CSMD1: variants seen among roughly 807,000 people sequenced by gnomAD.
CSMD1 encodes the protein CUB and Sushi multiple domains 1, also known as CUB and sushi domain-containing protein 1.
A neutral mutation model predicts 417.5 loss-of-function variants in CSMD1; 213 were observed. The observed-to-expected ratio is 0.51, with a 90% CI of 0.46 to 0.57. CSMD1 has a LOEUF of 0.57. Ranked by LOEUF, CSMD1 falls within the 20% of genes least tolerant of loss-of-function variation. The pLI is 0.00. For missense variants in CSMD1, 6,923 were observed against 4,529.7 expected, an observed-to-expected ratio of 1.53 and a Z score of -15.17; for synonymous variants, 2,862 against 1,736.8, an observed-to-expected ratio of 1.65 and a Z score of -16.11.
intron 5 of CSMD1, among the ~76,000 whole-genome samples, chr8:3,981,189 C>T (rs1419065039): frequency 6.6e-6 from 1 of 152,156 alleles, no homozygotes; most frequent in African/African-American, 2.4e-5. Context: ...TGGGTATCTC[C>T]ATAGTTTTCT....
At chr8:4,409,469 T>C (rs1796524837) in intron 3 of CSMD1, among the ~76,000 whole-genome samples, 2 of 152,166 alleles carry the variant, frequency 1.3e-5, no homozygotes, top group South Asian at 4.1e-4. Flanking sequence ...CAAGAATGCC[T>C]ATCTACCTAA....
chr8:3,410,372 G>A (rs1812609017), intron 12 of CSMD1, among the ~76,000 whole-genome samples: 1 of 152,130 alleles, frequency 6.6e-6, no homozygotes, highest in Non-Finnish European at 1.5e-5. Context: ...ATATGATTTG[G>A]CTGTGTCCCC....
At chr8:4,353,632 A>G (rs2128902793) in intron 3 of CSMD1, among the ~76,000 whole-genome samples, 1 of 152,208 alleles carries the variant, frequency 6.6e-6, no homozygotes, top group South Asian at 2.1e-4. Flanking sequence ...GTCACGCCCA[A>G]CGGGACAGGC....
intron 3 of CSMD1, among the ~76,000 whole-genome samples, chr8:4,358,778 G>C (rs777726969): frequency 3.3e-5 from 5 of 152,076 alleles, no homozygotes; most frequent in South Asian, 2.1e-4. Context: ...TTGCAATAAA[G>C]CTTTGTCAGC....
In CSMD1 at chr8:4,261,970, G is replaced by A. The variant is rs141025766; in HGVS notation, c.415+157983C>T. On this transcript the variant is annotated intron_variant, in intron 3 of 69. Coordinates refer to ENST00000635120, the MANE Select transcript of CSMD1 (RefSeq NM_033225.6). ...CAAAACAGAAAAAAAATTAAAACCT[G>A]AAGTCTGTCATTTCCTGGGAATGAG... Among the ~76,000 whole-genome samples, 872 of 152,204 alleles carry A rather than the reference G, an allele frequency of 5.7e-3. 8 individuals are homozygous for A. Among genetic ancestry groups the A allele is most frequent in the African/African-American group, 0.02 (836 of 41,548 alleles).
At chr8:4,050,689 C>T (rs1798379903) in intron 3 of CSMD1, among the ~76,000 whole-genome samples, 1 of 152,176 alleles carries the variant, frequency 6.6e-6, no homozygotes, top group South Asian at 2.1e-4. Context: ...ATCCCCACTT[C>T]CATCCAAGCC....
At chr8:3,459,872 T>C (rs1554429104) in intron 12 of CSMD1, among the ~76,000 whole-genome samples, 1 of 151,104 alleles carries the variant, frequency 6.6e-6, no homozygotes. Flanking sequence ...AACTAAGACT[T>C]AAAAAAAAAC....
chr8:3,042,883 T>A (rs1348385593), intron 50 of CSMD1, among the ~76,000 whole-genome samples: 2 of 152,046 alleles, frequency 1.3e-5, no homozygotes, highest in African/African-American at 4.8e-5. Context: ...CTATAGTGAA[T>A]ATAGTATATG....
At chr8:4,113,953 T>G (rs544740186) in intron 3 of CSMD1, among the ~76,000 whole-genome samples, 1 of 152,186 alleles carries the variant, frequency 6.6e-6, no homozygotes, top group African/African-American at 2.4e-5. Context: ...AGAAGCCATC[T>G]CCATAATATA....
intron 7 of CSMD1, among the ~76,000 whole-genome samples, chr8:3,701,537 T>A (rs1482197): frequency 0.92 from 139,851 of 151,852 alleles, 64,469 homozygotes; most frequent in East Asian, 0.99. Context: ...ATATTGGAAT[T>A]TAACGATTAA....
chr8:3,298,685 C>T (rs956712644), intron 25 of CSMD1, among the ~76,000 whole-genome samples: 1 of 152,214 alleles, frequency 6.6e-6, no homozygotes, highest in African/African-American at 2.4e-5. Context: ...AACTCCTGAT[C>T]TCAGGTAATC....
intron 3 of CSMD1, among the ~76,000 whole-genome samples, chr8:4,097,506 G>A (rs534532843): frequency 1.3e-4 from 20 of 152,268 alleles, no homozygotes; most frequent in Non-Finnish European, 2.5e-4. Context: ...CCCTTTGAAT[G>A]TCTTGTTGCC....
intron 14 of CSMD1, among the ~76,000 whole-genome samples, chr8:3,407,487 G>A (rs769330407): frequency 2.0e-5 from 3 of 151,936 alleles, no homozygotes; most frequent in African/African-American, 7.3e-5. Flanking sequence ...ATGCATGGAT[G>A]GATGAAATGA....
At chr8:3,736,961 T>G (rs959488239) in intron 6 of CSMD1, among the ~76,000 whole-genome samples, 3 of 152,222 alleles carry the variant, frequency 2.0e-5, no homozygotes, top group Admixed American at 2.0e-4. Flanking sequence ...CCCTCTCCCC[T>G]ACCTCCTGTC....
At chr8:4,738,421 C>T (rs975400586) in intron 1 of CSMD1, among the ~76,000 whole-genome samples, 4 of 151,986 alleles carry the variant, frequency 2.6e-5, no homozygotes, top group African/African-American at 9.7e-5. Context: ...AAGGGCTGAG[C>T]GAAGGGGGAA....
At chr8:3,551,501 A>T (rs1261921430) in intron 10 of CSMD1, among the ~76,000 whole-genome samples, 1 of 151,566 alleles carries the variant, frequency 6.6e-6, no homozygotes, top group African/African-American at 2.4e-5. Context: ...TGACTGTTTG[A>T]TAAGACCCTT....
intron 3 of CSMD1, among the ~76,000 whole-genome samples, chr8:4,205,660 G>A (rs574621584): frequency 1.3e-5 from 2 of 152,010 alleles, no homozygotes; most frequent in African/African-American, 4.8e-5. Context: ...TGTAACGGCT[G>A]TTGTGGCTCA....
intron 26 of CSMD1, among the ~76,000 whole-genome samples, chr8:3,262,993 GTTA>G (rs1413495804): frequency 1.3e-5 from 2 of 152,192 alleles, no homozygotes; most frequent in Non-Finnish European, 2.9e-5. Flanking sequence ...GGACATTACA[GTTA>G]TTAAGCTAGG....
Position 3,587,246 on chromosome 8 carries a change from A to T in CSMD1, c.1098-986T>A, listed in dbSNP as rs562755647. Among the ~76,000 whole-genome samples the T allele has an allele frequency of 1.1e-4, 17 of 152,334 alleles. No homozygotes were observed. The East Asian group carries it at 2.9e-3, about 26-fold the overall frequency. On this transcript the variant is annotated intron_variant, in intron 8 of 69. Coordinates refer to ENST00000635120, the MANE Select transcript of CSMD1 (RefSeq NM_033225.6). ...AACACAAACTGGACAGCTGCATTCA[A>T]AAGTGTGAGAGGCAGAGATCAGGTT...
Sources: gnomAD v4.1 joint callset for allele counts (sites outside exome capture counted in the v4.1 genomes callset) on GRCh38, gnomAD v4.1.1 for gene constraint, MANE v1.5 for transcripts, NCBI Gene and HGNC (gene_info 2026-07-23, HGNC 2026-07-21) for gene names.